The following HHIPL1 variants were observed in gnomAD, a reference collection of about 807,000 sequenced individuals.
The protein encoded by HHIPL1 is HHIP-like protein 1.
Under a neutral mutation model 61.8 loss-of-function variants are expected in HHIPL1, and 43 were observed. The ratio of observed to expected loss-of-function variants is 0.70; its 90% confidence interval spans 0.55 to 0.90. The LOEUF (loss-of-function observed/expected upper bound fraction) is 0.90, where lower values mean the gene tolerates loss of function less well. Among genes scored for constraint, HHIPL1 ranks in the 40% least tolerant of loss-of-function variants. HHIPL1 has a pLI of 0.00. For synonymous variants in HHIPL1, 482 were observed against 515.8 expected (o/e 0.93, Z 0.89); for missense variants, 1,056 against 1,157.7 (o/e 0.91, Z 1.28).
At chr14:99,624,774 G>A in the HHIPL1 span, 3 of 152,340 alleles carry the variant, frequency 2.0e-5, no homozygotes, top group Non-Finnish European at 4.4e-5. Context: ...ACCTACTTCA[G>A]GGAACCATAC....
the HHIPL1 span, among the ~76,000 whole-genome samples, chr14:99,639,640 C>A: frequency 6.6e-6 from 1 of 152,078 alleles, no homozygotes; most frequent in Non-Finnish European, 1.5e-5. Flanking sequence ...AGCCACCATA[C>A]CAGGTAGGCC....
chr14:99,613,704 T>A, the HHIPL1 span, among the ~76,000 whole-genome samples: 1 of 151,568 alleles, frequency 6.6e-6, no homozygotes, highest in Non-Finnish European at 1.5e-5. Flanking sequence ...AGGTGAGGAG[T>A]TCGAGACCAG....
intron 7 of HHIPL1, among the ~76,000 whole-genome samples, chr14:99,671,271 C>T (rs1348371933): frequency 1.3e-5 from 2 of 152,178 alleles, no homozygotes; most frequent in South Asian, 2.1e-4. Flanking sequence ...GGTGGATATC[C>T]TACCCTTTTG....
At chr14:99,642,478 G>A (rs1042470606), upstream of HHIPL1, among the ~76,000 whole-genome samples, 13 of 151,816 alleles carry the variant, frequency 8.6e-5, no homozygotes, top group East Asian at 1.9e-4. Context: ...TTGTCAGCTC[G>A]GCAAGGGCAT....
the HHIPL1 span, among the ~76,000 whole-genome samples, chr14:99,623,560 T>G: frequency 1.3e-5 from 2 of 151,948 alleles, no homozygotes; most frequent in Non-Finnish European, 2.9e-5. Flanking sequence ...ACTGCAAGAG[T>G]GCACCACCAC....
intron 3 of HHIPL1, among the ~76,000 whole-genome samples, chr14:99,657,437 A>T (rs1467441943): frequency 1.3e-5 from 2 of 152,202 alleles, no homozygotes; most frequent in African/African-American, 4.8e-5. Flanking sequence ...GAGGTGCATT[A>T]GCGAGCCTCA....
At chr14:99,614,757 C>T in the HHIPL1 span, among the ~76,000 whole-genome samples, 12 of 152,178 alleles carry the variant, frequency 7.9e-5, no homozygotes, top group Non-Finnish European at 1.6e-4. Context: ...TGTGCTACTT[C>T]GAATGCATAC....
At chr14:99,652,919 G>A (rs760255879) in intron 2 of HHIPL1, 49 bp downstream of exon 2, 3 of 1,550,360 alleles carry the variant, frequency 1.9e-6, no homozygotes, top group East Asian at 4.5e-5. Flanking sequence ...GCACCCATAT[G>A]CACTGGTGTG....
At chr14:99,621,302 G>A in the HHIPL1 span, among the ~76,000 whole-genome samples, 1 of 152,092 alleles carries the variant, frequency 6.6e-6, no homozygotes, top group Non-Finnish European at 1.5e-5. Context: ...GTCTCACCAT[G>A]TTGCCCAGGC....
At chr14:99,659,029 C>T (rs2056096388) in intron 3 of HHIPL1, among the ~76,000 whole-genome samples, 1 of 152,138 alleles carries the variant, frequency 6.6e-6, no homozygotes, top group Non-Finnish European at 1.5e-5. Flanking sequence ...AGTTTCTGGG[C>T]CCAGGCTGTC....
In HHIPL1 at chr14:99,660,177, C is replaced by T; in HGVS notation, c.1376-103C>T. The T allele has an allele frequency of 1.4e-6, 2 of 1,427,528 alleles. No individual in the cohort carries two copies. Among genetic ancestry groups the T allele is most frequent in the Admixed American group, 3.9e-5 (2 of 51,146 alleles). 88.4% of individuals were successfully genotyped at this position (1,427,528 alleles called of 1,614,324 possible). ...AGCCCTGCTGTGGGCACGCCCCTCC[C>T]TCCGTGGCCGCCCCACCCCCGCGGA... is the stretch of plus-strand genomic sequence containing the variant. On this transcript the variant is annotated intron_variant, in intron 4 of 8. Transcript: ENST00000330710. This position sits in a 1 kb window ranked among gnomAD's most constrained non-coding sequence, Gnocchi z 4.9.
chr14:99,678,295 C>A lies in HHIPL1; in HGVS notation c.*2669C>A, dbSNP rs896880676. On this transcript the variant is annotated 3_prime_UTR_variant, in exon 9 of 9. Transcript: ENST00000330710. ...TGGTCCGTGGCCCAGGGTTTGGAGA[C>A]CTCTGCCCTAGGTAGTAATAAGAGT... 6 of 152,174 alleles carry A rather than the reference C, an allele frequency of 3.9e-5. No individual in the cohort carries two copies. The highest frequency in any genetic ancestry group is 5.9e-5 in the Non-Finnish European group (4 of 68,032). The allele number at this position is 152,174 out of a possible 1,614,324, so 9.4% of individuals were successfully genotyped here.
the HHIPL1 span, among the ~76,000 whole-genome samples, chr14:99,623,918 C>T: frequency 2.0e-5 from 3 of 152,154 alleles, no homozygotes; most frequent in Admixed American, 6.5e-5. Flanking sequence ...TCTATTAAAA[C>T]GTAAATATTT....
intron 5 of HHIPL1, among the ~76,000 whole-genome samples, chr14:99,661,448 A>AGGAAGGAAGGAAGGAAG (rs2056152697): frequency 6.6e-6 from 1 of 151,820 alleles, no homozygotes; most frequent in Non-Finnish European, 1.5e-5. Flanking sequence ...GAAGGAAGGA[A>AGGAAGGAAGGAAGGAAG]GGAGTACATG....
At chr14:99,607,436 C>A in the HHIPL1 span, among the ~76,000 whole-genome samples, 2 of 152,128 alleles carry the variant, frequency 1.3e-5, no homozygotes, top group East Asian at 1.9e-4. Flanking sequence ...AATAAAGGTG[C>A]CCCACCAACA....
At chr14:99,609,347 C>T in the HHIPL1 span, among the ~76,000 whole-genome samples, 97,295 of 152,100 alleles carry the variant, frequency 0.64, 34,522 homozygotes, top group South Asian at 0.87. Flanking sequence ...GGGAGCCACG[C>T]TTCCTTTCCC....
chr14:99,643,751 G>A (rs2055783919), upstream of HHIPL1, among the ~76,000 whole-genome samples: 1 of 152,224 alleles, frequency 6.6e-6, no homozygotes. Context: ...AGCCACAGGT[G>A]GGAGTTGGAG....
At chr14:99,673,404 G>A (rs1201652325) in intron 8 of HHIPL1, among the ~76,000 whole-genome samples, 1 of 150,554 alleles carries the variant, frequency 6.6e-6, no homozygotes, top group African/African-American at 2.5e-5. Flanking sequence ...TTCTGGCTGG[G>A]ACGGACAGAG....
the HHIPL1 span, among the ~76,000 whole-genome samples, chr14:99,616,196 A>G: frequency 1.4e-4 from 22 of 152,360 alleles, no homozygotes; most frequent in African/African-American, 4.6e-4. Context: ...TACGATATTC[A>G]GTACAGGTAC....
Sources: allele counts gnomAD v4.1 joint callset (sites outside exome capture counted in the v4.1 genomes callset), GRCh38; gene constraint gnomAD v4.1.1; non-coding constraint Gnocchi (gnomAD v3.1); transcripts MANE v1.5; gene names NCBI Gene and HGNC (gene_info 2026-07-23, HGNC 2026-07-21).